The following CCSER2 variants were observed in gnomAD, a reference collection of about 807,000 sequenced individuals.
CCSER2 encodes the protein serine-rich coiled-coil domain-containing protein 2.
A neutral mutation model predicts 92.3 loss-of-function variants in CCSER2; 46 were observed. That is an observed-to-expected ratio of 0.50 (90% CI 0.39 to 0.64). CCSER2 has a LOEUF of 0.64. Among genes scored for constraint, CCSER2 ranks in the 30% least tolerant of loss-of-function variants. The pLI, the probability that CCSER2 is intolerant of heterozygous loss-of-function variation, is 0.00. For synonymous variants in CCSER2, 433 were observed against 431.4 expected, an observed-to-expected ratio of 1.00 and a Z score of -0.04; for missense variants, 1,244 against 1,238.9, an observed-to-expected ratio of 1.00 and a Z score of -0.06.
chr10:84,447,242 C>T (rs1359995724), intron 6 of CCSER2, among the ~76,000 whole-genome samples: 1 of 152,170 alleles, frequency 6.6e-6, no homozygotes, highest in African/African-American at 2.4e-5. Flanking sequence ...CATTGTTTCA[C>T]ATGTGTGCAA....
At chr10:84,415,034 C>T (rs564525452) in intron 3 of CCSER2, among the ~76,000 whole-genome samples, 1 of 152,270 alleles carries the variant, frequency 6.6e-6, no homozygotes, top group South Asian at 2.1e-4. Context: ...GCTATTTTGA[C>T]TATCAGCTCC....
intron 3 of CCSER2, among the ~76,000 whole-genome samples, chr10:84,397,491 A>T (rs1841905961): frequency 1.3e-5 from 2 of 152,340 alleles, no homozygotes; most frequent in East Asian, 3.9e-4. Context: ...TGCTAAAGGA[A>T]TTGAGGTCAC....
intron 3 of CCSER2, among the ~76,000 whole-genome samples, chr10:84,394,462 G>C (rs1349534505): frequency 6.6e-6 from 1 of 151,362 alleles, no homozygotes; most frequent in Non-Finnish European, 1.5e-5. Context: ...AAGTTAACTT[G>C]TGAGTTGAGT....
rs1413128093 is a variant in CCSER2, at chr10:84,518,451, A to T, written c.*4184A>T. ...TTTGCCTGTAAAATGAATTCTAAAA[A>T]GCAGATGTAAAGTCTCTCCTGAAAA... On this transcript the variant is annotated 3_prime_UTR_variant, in exon 10 of 10. Coordinates refer to ENST00000372088, the MANE Select transcript of CCSER2 (RefSeq NM_001284240.2). The T allele has an allele frequency of 6.5e-6, 1 of 152,676 alleles. No homozygotes were observed. The highest frequency in any genetic ancestry group is 1.5e-5 in the Non-Finnish European group (1 of 68,034). The allele number at this position is 152,676 out of a possible 1,614,324, so 9.5% of individuals were successfully genotyped here. A position where few individuals can be genotyped will look rare whatever the true frequency, so the allele number is the denominator to read the frequency against.
intron 6 of CCSER2, among the ~76,000 whole-genome samples, chr10:84,441,749 T>A: frequency 3.3e-5 from 2 of 59,936 alleles, no homozygotes; most frequent in Non-Finnish European, 7.5e-5. Context: ...TTTTTTTTTT[T>A]TTTTTTTTTT....
Position 84,517,096 on chromosome 10 carries a change from A to G in CCSER2, c.*2829A>G, listed in dbSNP as rs1849621715. ...CTCTGTGCCAAATCCTCCTCCACAA[A>G]CCATTTATTGTCTTAGTTCTAGTGG... is the stretch of plus-strand genomic sequence containing the variant. On this transcript the variant is annotated 3_prime_UTR_variant, in exon 10 of 10. Transcript: ENST00000372088. 6.6e-6 allele frequency: 1 copy of G among 152,072 alleles called. No individual in the cohort carries two copies. The allele number at this position is 152,072 out of a possible 1,614,324, so 9.4% of individuals were successfully genotyped here. A position where few individuals can be genotyped will look rare whatever the true frequency, so the allele number is the denominator to read the frequency against.
chr10:84,487,173 G>A (rs1209952101), intron 9 of CCSER2, among the ~76,000 whole-genome samples: 3 of 152,032 alleles, frequency 2.0e-5, no homozygotes, highest in African/African-American at 7.2e-5. Context: ...GAAGTCAGGT[G>A]GCATGATGCC....
At chr10:84,433,235 C>T (rs1440482266) in intron 5 of CCSER2, among the ~76,000 whole-genome samples, 4 of 152,084 alleles carry the variant, frequency 2.6e-5, no homozygotes, top group Admixed American at 2.0e-4. Flanking sequence ...ATCACCTTGC[C>T]GATATCCTCA....
At chr10:84,423,071 T>C (rs1843233470) in intron 4 of CCSER2, among the ~76,000 whole-genome samples, 1 of 151,056 alleles carries the variant, frequency 6.6e-6, no homozygotes, top group Admixed American at 6.6e-5. Flanking sequence ...AAAAAAAAAA[T>C]TGTCTCTGGA....
intron 6 of CCSER2, among the ~76,000 whole-genome samples, chr10:84,441,308 T>C (rs1844518617): frequency 6.6e-6 from 1 of 152,226 alleles, no homozygotes. Flanking sequence ...ACTGTTTATC[T>C]TGGCAATCAT....
At chr10:84,496,441 A>G (rs975699999) in intron 9 of CCSER2, among the ~76,000 whole-genome samples, 7 of 151,922 alleles carry the variant, frequency 4.6e-5, no homozygotes, top group African/African-American at 7.3e-5. Context: ...GCCCGCCACC[A>G]CGCCCGGCTA....
chr10:84,420,523 G>A (rs1255924336), intron 4 of CCSER2, among the ~76,000 whole-genome samples: 1 of 152,142 alleles, frequency 6.6e-6, no homozygotes, highest in Non-Finnish European at 1.5e-5. Context: ...TGGCTGGGAG[G>A]ATGAGAATGT....
chr10:84,457,271 A>AT lies in CCSER2; in HGVS notation c.2065-6661dup, dbSNP rs1564684483. 9.1e-3 allele frequency among the ~76,000 whole-genome samples: 58 copies of AT among 6,402 alleles called. 3 individuals carry two copies. The highest frequency in any genetic ancestry group is 0.078 in the South Asian group (12 of 154). 4.2% of individuals were successfully genotyped at this position (6,402 alleles called of 152,430 possible). ...ATATATTATATAAAATATATTATAT[A>AT]TAATATATTATATATTATATATTAT... On this transcript the variant is annotated intron_variant, in intron 6 of 9. Transcript: ENST00000372088.
chr10:84,454,651 A>G (rs1212517538), intron 6 of CCSER2: 3 of 157,552 alleles, frequency 1.9e-5, no homozygotes, highest in African/African-American at 4.8e-5. Context: ...TATTTCCACA[A>G]TACACTTCCC....
chr10:84,344,356 G>GT (rs1054706460), intron 1 of CCSER2, among the ~76,000 whole-genome samples: 426 of 146,166 alleles, frequency 2.9e-3, no homozygotes, highest in African/African-American at 8.7e-3. Context: ...AGTATTAAAG[G>GT]TTTTTTTTTT....
intron 4 of CCSER2, among the ~76,000 whole-genome samples, chr10:84,423,980 C>CT (rs1272949164): frequency 5.5e-4 from 55 of 100,018 alleles, no homozygotes; most frequent in African/African-American, 2.5e-3. Context: ...GTCCCCATCT[C>CT]TTAAAAAAAA....
intron 3 of CCSER2, among the ~76,000 whole-genome samples, chr10:84,393,413 T>G (rs757700563): frequency 3.9e-5 from 6 of 152,182 alleles, no homozygotes; most frequent in Non-Finnish European, 8.8e-5. Context: ...AGTTGAAAAA[T>G]GATTGCTGTA....
chr10:84,363,562 C>G (rs1180784496), intron 1 of CCSER2, among the ~76,000 whole-genome samples: 2 of 151,992 alleles, frequency 1.3e-5, no homozygotes, highest in Non-Finnish European at 2.9e-5. Context: ...AAAATGCAGA[C>G]AATTTATACC....
intron 1 of CCSER2, among the ~76,000 whole-genome samples, chr10:84,368,286 A>T (rs1213130853): frequency 6.6e-6 from 1 of 152,152 alleles, no homozygotes; most frequent in African/African-American, 2.4e-5. Context: ...ATACTGTACC[A>T]TACAGAATTT....
Sources: gnomAD v4.1 joint callset for allele counts (sites outside exome capture counted in the v4.1 genomes callset) on GRCh38, gnomAD v4.1.1 for gene constraint, MANE v1.5 for transcripts, NCBI Gene and HGNC (gene_info 2026-07-23, HGNC 2026-07-21) for gene names.